The following PTPRD variants were observed in gnomAD, a reference collection of about 807,000 sequenced individuals.
The protein encoded by PTPRD is protein tyrosine phosphatase receptor type D, also known as receptor-type tyrosine-protein phosphatase delta.
Under a neutral mutation model 214.5 loss-of-function variants are expected in PTPRD, and 34 were observed. That is an observed-to-expected ratio of 0.16 (90% CI 0.12 to 0.21). The LOEUF is 0.21. PTPRD is among the 10% of genes least tolerant of loss of function. PTPRD has a pLI of 1.00. For missense variants in PTPRD, 2,545 were observed against 2,398.7 expected (o/e 1.06, Z -1.27); for synonymous variants, 1,128 against 845.7 (o/e 1.33, Z -5.79).
chr9:8,532,020 T>A (rs565997950), intron 14 of PTPRD, among the ~76,000 whole-genome samples: 1 of 152,136 alleles, frequency 6.6e-6, no homozygotes, highest in South Asian at 2.1e-4. Context: ...ACAAAGATAA[T>A]CTTTCTTGCA....
chr9:10,470,851 A>C (rs2079920974), intron 2 of PTPRD, among the ~76,000 whole-genome samples: 1 of 152,100 alleles, frequency 6.6e-6, no homozygotes, highest in Admixed American at 6.6e-5. Flanking sequence ...AAATAAAATT[A>C]TAAAATATAT....
intron 9 of PTPRD, among the ~76,000 whole-genome samples, chr9:9,226,263 G>C (rs1008970817): frequency 6.6e-6 from 1 of 151,822 alleles, no homozygotes; most frequent in Non-Finnish European, 1.5e-5. Context: ...CAAAGGGCAA[G>C]ACTGGTGGGA....
intron 11 of PTPRD, among the ~76,000 whole-genome samples, chr9:9,008,137 C>G (rs1266231498): frequency 6.7e-6 from 1 of 148,980 alleles, no homozygotes; most frequent in Admixed American, 6.8e-5. Context: ...TTTACTTATC[C>G]TATGTTCTAG....
intron 39 of PTPRD, among the ~76,000 whole-genome samples, chr9:8,354,733 C>G (rs1161783761): frequency 6.6e-6 from 1 of 152,172 alleles, no homozygotes; most frequent in Non-Finnish European, 1.5e-5. Context: ...CCACGTCTCC[C>G]CTTCCACCAG....
chr9:8,507,558 A>T, intron 21 of PTPRD, 124 bp from the exon 22 acceptor site: 1 of 1,173,722 alleles, frequency 8.5e-7, no homozygotes, highest in Non-Finnish European at 1.2e-6. Flanking sequence ...AGTGGAAAAC[A>T]AGCTCCTTTA....
chr9:9,350,544 C>G (rs2050711383), intron 9 of PTPRD, among the ~76,000 whole-genome samples: 1 of 151,872 alleles, frequency 6.6e-6, no homozygotes, highest in South Asian at 2.1e-4. Flanking sequence ...TTTCTTCTGC[C>G]AGATAAGGTG....
intron 7 of PTPRD, among the ~76,000 whole-genome samples, chr9:9,654,902 A>G (rs1334462725): frequency 6.6e-6 from 1 of 152,166 alleles, no homozygotes; most frequent in Non-Finnish European, 1.5e-5. Context: ...AAATCCTTCA[A>G]TGATTTTATA....
At chr9:9,635,758 T>C (rs976627759) in intron 7 of PTPRD, among the ~76,000 whole-genome samples, 6 of 152,180 alleles carry the variant, frequency 3.9e-5, no homozygotes, top group African/African-American at 1.2e-4. Flanking sequence ...CCTACTTCCT[T>C]GCTTCCTAAA....
At chr9:8,715,900 C>T (rs1304603797) in intron 12 of PTPRD, among the ~76,000 whole-genome samples, 1 of 152,236 alleles carries the variant, frequency 6.6e-6, no homozygotes, top group Non-Finnish European at 1.5e-5. Context: ...AGTACACAGA[C>T]ATTACAGTAT....
chr9:9,209,526 G>T (rs2099947182), intron 9 of PTPRD, among the ~76,000 whole-genome samples: 2 of 152,040 alleles, frequency 1.3e-5, no homozygotes, highest in African/African-American at 4.8e-5. Flanking sequence ...ACGGTATTGT[G>T]GCATATTTTT....
intron 3 of PTPRD, among the ~76,000 whole-genome samples, chr9:10,243,753 A>T (rs2091569994): frequency 6.6e-6 from 1 of 151,934 alleles, no homozygotes; most frequent in South Asian, 2.1e-4. Context: ...TCTTGCTCCA[A>T]CCTCTAATTC....
chr9:9,509,900 G>T (rs2096659556), intron 8 of PTPRD, among the ~76,000 whole-genome samples: 1 of 151,384 alleles, frequency 6.6e-6, no homozygotes, highest in Non-Finnish European at 1.5e-5. Context: ...TCCTTACTGT[G>T]TGCCTTGTAT....
At chr9:8,823,660 G>T (rs1479806751) in intron 11 of PTPRD, among the ~76,000 whole-genome samples, 3 of 129,910 alleles carry the variant, frequency 2.3e-5, no homozygotes, top group African/African-American at 9.6e-5. Context: ...TCAAAAAAGG[G>T]AAGGGAAAGG....
intron 3 of PTPRD, among the ~76,000 whole-genome samples, chr9:10,202,530 A>G (rs1259339797): frequency 2.1e-4 from 32 of 150,160 alleles, no homozygotes; most frequent in Admixed American, 2.1e-3. Context: ...GATTGTTTGC[A>G]TTTCTTTTTT....
At chr9:8,495,623 A>AAT (rs1243960266) in intron 26 of PTPRD, among the ~76,000 whole-genome samples, 2 of 152,212 alleles carry the variant, frequency 1.3e-5, no homozygotes, top group Non-Finnish European at 2.9e-5. Context: ...TTGAATACTT[A>AAT]ATGTTAGTGT....
At chr9:8,592,482 C>G (rs139972229) in intron 14 of PTPRD, among the ~76,000 whole-genome samples, 1 of 152,148 alleles carries the variant, frequency 6.6e-6, no homozygotes, top group Non-Finnish European at 1.5e-5. Context: ...ACGTGCACAG[C>G]TCTTTACTTG....
chr9:10,542,939 T>TG, intron 2 of PTPRD, among the ~76,000 whole-genome samples: 1 of 152,216 alleles, frequency 6.6e-6, no homozygotes, highest in Middle Eastern at 3.4e-3. Context: ...TTAGTAGAGA[T>TG]GGGGTGTCTC....
intron 4 of PTPRD, among the ~76,000 whole-genome samples, chr9:9,947,472 T>A (rs866037063): frequency 3.3e-4 from 5 of 15,344 alleles, no homozygotes; most frequent in Non-Finnish European, 1.7e-4. Flanking sequence ...TACTATATAT[T>A]ATATATATTT....
At chr9:10,412,228 G>C (rs1171467055) in intron 2 of PTPRD, among the ~76,000 whole-genome samples, 2 of 151,678 alleles carry the variant, frequency 1.3e-5, no homozygotes, top group Non-Finnish European at 2.9e-5. Context: ...ATGAAAAAAG[G>C]AATGTTACCA....
Sources: allele counts gnomAD v4.1 joint callset (sites outside exome capture counted in the v4.1 genomes callset), GRCh38; gene constraint gnomAD v4.1.1; transcripts MANE v1.5; gene names NCBI Gene and HGNC (gene_info 2026-07-23, HGNC 2026-07-21).